The following FA2H variants were observed in gnomAD, a reference collection of about 807,000 sequenced individuals.
The protein encoded by FA2H is fatty acid 2-hydroxylase, also known as fatty acid alpha-hydroxylase.
A neutral mutation model predicts 44.9 loss-of-function variants in FA2H; 22 were observed. That is an observed-to-expected ratio of 0.49 (90% CI 0.35 to 0.70). FA2H has a LOEUF of 0.70. FA2H is among the 30% of genes least tolerant of loss of function. The pLI is 0.01. For synonymous variants in FA2H, 243 were observed against 213.2 expected, an observed-to-expected ratio of 1.14 and a Z score of -1.22; for missense variants, 501 against 504.9, an observed-to-expected ratio of 0.99 and a Z score of 0.07.
chr16:74,773,213 T>A (rs1162019390), intron 1 of FA2H, among the ~76,000 whole-genome samples: 2 of 152,156 alleles, frequency 1.3e-5, no homozygotes, highest in Non-Finnish European at 2.9e-5. Context: ...GAAGAGTGAG[T>A]ACAGTACTAT....
chr16:74,769,417 C>T (rs1306671591), intron 1 of FA2H, among the ~76,000 whole-genome samples: 1 of 151,968 alleles, frequency 6.6e-6, no homozygotes, highest in East Asian at 1.9e-4. Context: ...TTAAAGTGCA[C>T]GTAAAAGCTT....
intron 1 of FA2H, among the ~76,000 whole-genome samples, chr16:74,759,734 T>G (rs1962671879): frequency 6.6e-6 from 1 of 152,190 alleles, no homozygotes; most frequent in African/African-American, 2.4e-5. Context: ...GGCCTGAGGC[T>G]CTGTCTGCCT....
At chr16:74,762,551 G>C (rs1363956843) in intron 1 of FA2H, among the ~76,000 whole-genome samples, 1 of 151,902 alleles carries the variant, frequency 6.6e-6, no homozygotes, top group East Asian at 1.9e-4. Flanking sequence ...TTTTTTTCAA[G>C]ATGGAGTCTC....
intron 1 of FA2H, among the ~76,000 whole-genome samples, chr16:74,755,908 T>G (rs995783003): frequency 2.6e-5 from 4 of 152,186 alleles, no homozygotes; most frequent in African/African-American, 7.2e-5. Context: ...GGGTATAGTC[T>G]GACAACGATA....
At chr16:74,734,168 G>A (rs945393221) in intron 2 of FA2H, among the ~76,000 whole-genome samples, 3 of 152,230 alleles carry the variant, frequency 2.0e-5, no homozygotes, top group Admixed American at 1.3e-4. Context: ...ACGTGGCTCG[G>A]GTGGGGGAGA....
At chr16:74,732,228 GAC>G (rs1431727045) in intron 2 of FA2H, among the ~76,000 whole-genome samples, 2 of 152,098 alleles carry the variant, frequency 1.3e-5, no homozygotes, top group Non-Finnish European at 2.9e-5. Flanking sequence ...TGTTACACAT[GAC>G]AGATACTGCT....
rs925735985 is a variant in FA2H, at chr16:74,748,059, C to T, written c.271-7944G>A. ...AGTCAGCACAGCCTTGCCACCCAGC[C>T]CGCAGGGGCAGGCCACACAGATGGC... is the stretch of plus-strand genomic sequence containing the variant. On this transcript the variant is annotated intron_variant, in intron 1 of 6. Coordinates refer to ENST00000219368, the MANE Select transcript of FA2H (RefSeq NM_024306.5). Among the ~76,000 whole-genome samples the T allele has an allele frequency of 5.9e-5, 9 of 152,282 alleles. No homozygotes were observed. In the East Asian group the frequency reaches 1.7e-3, roughly 30 times the overall value.
chr16:74,727,117 T>A, intron 3 of FA2H, 127 bp downstream of exon 3: 2 of 1,307,994 alleles, frequency 1.5e-6, no homozygotes, highest in Non-Finnish European at 2.2e-6. Flanking sequence ...TGTTCCTCCC[T>A]CCCTGACAGC....
At chr16:74,722,034 G>A in intron 4 of FA2H, among the ~76,000 whole-genome samples, 1 of 152,204 alleles carries the variant, frequency 6.6e-6, no homozygotes, top group East Asian at 1.9e-4. Context: ...GCATGATTGA[G>A]GACGTGGAGG....
intron 1 of FA2H, among the ~76,000 whole-genome samples, chr16:74,749,612 G>A (rs1306171483): frequency 6.6e-6 from 1 of 152,198 alleles, no homozygotes; most frequent in African/African-American, 2.4e-5. Flanking sequence ...GCCATTGCCA[G>A]CAACCTCGAC....
chr16:74,742,012 C>T (rs1293378218), intron 1 of FA2H, among the ~76,000 whole-genome samples: 1 of 151,892 alleles, frequency 6.6e-6, no homozygotes, highest in Non-Finnish European at 1.5e-5. Context: ...TGTTCCAATT[C>T]TGTTTAACCT....
intron 3 of FA2H, among the ~76,000 whole-genome samples, chr16:74,726,653 T>A (rs1197337094): frequency 6.6e-6 from 1 of 152,142 alleles, no homozygotes; most frequent in East Asian, 1.9e-4. Flanking sequence ...TCCCAAAGTG[T>A]TGGGATTACA....
At chr16:74,773,289 TCTA>T (rs1332388396) in intron 1 of FA2H, among the ~76,000 whole-genome samples, 1 of 152,204 alleles carries the variant, frequency 6.6e-6, no homozygotes, top group Non-Finnish European at 1.5e-5. Context: ...TTGTAACTAT[TCTA>T]TTATTGTTGT....
At chr16:74,756,787 T>G (rs1040876329) in intron 1 of FA2H, among the ~76,000 whole-genome samples, 6 of 152,180 alleles carry the variant, frequency 3.9e-5, no homozygotes, top group African/African-American at 9.7e-5. Flanking sequence ...CTGGGAAAAC[T>G]GGTTAGTAAT....
chr16:74,772,476 G>C (rs1314079542), intron 1 of FA2H, among the ~76,000 whole-genome samples: 2 of 152,162 alleles, frequency 1.3e-5, no homozygotes. Flanking sequence ...AATTCGTTTT[G>C]TTCATTGATA....
At chr16:74,754,953 G>A (rs142373501) in intron 1 of FA2H, among the ~76,000 whole-genome samples, 7 of 152,228 alleles carry the variant, frequency 4.6e-5, no homozygotes, top group Non-Finnish European at 7.4e-5. Flanking sequence ...AGAGCCACCC[G>A]TATGGGAAGA....
At position 74,746,372 on chromosome 16, in the gene FA2H, A is replaced by AT. The variant is rs1161331666; in HGVS notation, c.271-6258dup. On this transcript the variant is annotated intron_variant, in intron 1 of 6. Transcript: ENST00000219368. ...ACTCCTGGGCTCAATTATTATTATT[A>AT]TTATTATTTTTTTTTTGGTAGAAAA... is the stretch of plus-strand genomic sequence containing the variant. 6.0e-4 allele frequency among the ~76,000 whole-genome samples: 55 copies of AT among 92,254 alleles called. No individual in the cohort carries two copies. The East Asian group carries it at 7.9e-3, about 13-fold the overall frequency. 60.5% of individuals were successfully genotyped at this position (92,254 alleles called of 152,430 possible). A position where few individuals can be genotyped will look rare whatever the true frequency, so the allele number is the denominator to read the frequency against.
At chr16:74,727,471 C>A (rs1201000652) in intron 2 of FA2H, 85 bp from the exon 3 acceptor site, 2 of 1,424,748 alleles carry the variant, frequency 1.4e-6, no homozygotes, top group East Asian at 2.3e-5. Context: ...GCATCCCAAT[C>A]CCCTGCTCCT....
At chr16:74,739,949 C>A in intron 2 of FA2H, 74 bp downstream of exon 2, 1 of 1,167,488 alleles carries the variant, frequency 8.6e-7, no homozygotes, top group Non-Finnish European at 1.3e-6. Flanking sequence ...CCAGCTTTGG[C>A]TCCACACACC....
Sources: allele counts gnomAD v4.1 joint callset (sites outside exome capture counted in the v4.1 genomes callset), GRCh38; gene constraint gnomAD v4.1.1; transcripts MANE v1.5; gene names NCBI Gene and HGNC (gene_info 2026-07-23, HGNC 2026-07-21).